PTPRR: variants seen among roughly 807,000 people sequenced by gnomAD.
The protein encoded by PTPRR is receptor-type tyrosine-protein phosphatase R.
A neutral mutation model predicts 77.2 loss-of-function variants in PTPRR; 38 were observed. The ratio of observed to expected loss-of-function variants is 0.49; its 90% CI spans 0.38 to 0.65. The LOEUF is 0.65. Ranked by LOEUF, PTPRR falls within the 30% of genes least tolerant of loss-of-function variation. The pLI is 0.00. For synonymous variants in PTPRR, 299 were observed against 283.1 expected, an observed-to-expected ratio of 1.06 and a Z score of -0.57; for missense variants, 744 against 799.2, an observed-to-expected ratio of 0.93 and a Z score of 0.83.
In PTPRR at chr12:70,828,960, G is replaced by A. The variant is rs373618345; in HGVS notation, c.357+63719C>T. Among the ~76,000 whole-genome samples, 77 of 152,218 alleles carry A rather than the reference G, an allele frequency of 5.1e-4. 1 individual carries two copies. Among genetic ancestry groups the A allele is most frequent in the African/African-American group, 1.6e-3 (68 of 41,546 alleles). The stretch of plus-strand genomic sequence containing the variant: ...TATTCCAGGCAGCAGGCAAGGTGCC[G>A]GGGATACAAAGTCTAATGAGAGATG... On this transcript the variant is annotated intron_variant, in intron 2 of 13. Transcript: ENST00000283228.
At position 70,796,765 on chromosome 12, in the gene PTPRR, C is replaced by T. The variant is rs186724767; in HGVS notation, c.358-31987G>A. Among the ~76,000 whole-genome samples the T allele has an allele frequency of 2.7e-3, 404 of 151,456 alleles. 1 individual carries two copies. Among genetic ancestry groups the T allele is most frequent in the Non-Finnish European group, 4.4e-3 (298 of 67,792 alleles). The stretch of plus-strand genomic sequence containing the variant: ...TTAACTAAGGCCGGGCATGGTGGCT[C>T]ACGCCTGTAATCCCAGCACTTTGGG... On this transcript the variant is annotated intron_variant, in intron 2 of 13. Transcript: ENST00000283228.
chr12:70,688,449 T>C (rs923231540), intron 8 of PTPRR, among the ~76,000 whole-genome samples: 7 of 152,136 alleles, frequency 4.6e-5, no homozygotes, highest in African/African-American at 1.7e-4. Flanking sequence ...CGAAAAAATG[T>C]TCCACATCTC....
chr12:70,688,199 G>A (rs1380928944), intron 8 of PTPRR, among the ~76,000 whole-genome samples: 1 of 152,100 alleles, frequency 6.6e-6, no homozygotes, highest in Non-Finnish European at 1.5e-5. Context: ...ATATGACCCT[G>A]AAAGCACAAT....
chr12:70,738,419 G>T (rs528383433), intron 6 of PTPRR, among the ~76,000 whole-genome samples: 1 of 152,146 alleles, frequency 6.6e-6, no homozygotes, highest in Non-Finnish European at 1.5e-5. Flanking sequence ...AGTCAGGATG[G>T]AGAGTGCTAT....
At chr12:70,792,159 TG>T (rs1292105334) in intron 2 of PTPRR, among the ~76,000 whole-genome samples, 1 of 152,190 alleles carries the variant, frequency 6.6e-6, no homozygotes, top group Non-Finnish European at 1.5e-5. Context: ...GAGAAGATAA[TG>T]GTCTACTACG....
chr12:70,863,940 A>G (rs546155394), intron 2 of PTPRR, among the ~76,000 whole-genome samples: 1 of 152,192 alleles, frequency 6.6e-6, no homozygotes, highest in South Asian at 2.1e-4. Context: ...CTGCCATGCT[A>G]GGATCCTGGG....
intron 2 of PTPRR, among the ~76,000 whole-genome samples, chr12:70,836,905 T>C (rs1224608431): frequency 6.6e-6 from 1 of 152,084 alleles, no homozygotes; most frequent in East Asian, 1.9e-4. Flanking sequence ...ATTAATTGAA[T>C]AAACCTCTAT....
intron 13 of PTPRR, among the ~76,000 whole-genome samples, chr12:70,649,614 CG>C (rs1403231726): frequency 1.3e-5 from 2 of 152,158 alleles, no homozygotes; most frequent in Non-Finnish European, 1.5e-5. Flanking sequence ...CTCACTCTCT[CG>C]CCCAGCCTGG....
chr12:70,879,901 G>A (rs1026297369), intron 2 of PTPRR, among the ~76,000 whole-genome samples: 1 of 152,102 alleles, frequency 6.6e-6, no homozygotes, highest in South Asian at 2.1e-4. Flanking sequence ...AAAACATCCA[G>A]CCAAGAATGA....
intron 2 of PTPRR, among the ~76,000 whole-genome samples, chr12:70,840,292 C>T (rs1892375154): frequency 6.6e-6 from 1 of 152,084 alleles, no homozygotes; most frequent in Admixed American, 6.6e-5. Flanking sequence ...AATAGCCTTG[C>T]TATGTTCTGC....
intron 13 of PTPRR, among the ~76,000 whole-genome samples, chr12:70,647,560 C>CT (rs1415770723): frequency 2.0e-5 from 3 of 152,238 alleles, no homozygotes; most frequent in Non-Finnish European, 4.4e-5. Flanking sequence ...CTAAATGAAT[C>CT]TTTTTTAGCA....
intron 2 of PTPRR, among the ~76,000 whole-genome samples, chr12:70,878,274 T>C (rs1209402863): frequency 1.3e-5 from 2 of 152,150 alleles, no homozygotes; most frequent in African/African-American, 2.4e-5. Flanking sequence ...CTAAAGAGCT[T>C]CTGCACAGCA....
intron 1 of PTPRR, among the ~76,000 whole-genome samples, chr12:70,908,256 CAG>C (rs1893651384): frequency 6.6e-6 from 1 of 152,104 alleles, no homozygotes; most frequent in African/African-American, 2.4e-5. Flanking sequence ...AATGATACTA[CAG>C]AGACATTAAT....
chr12:70,880,747 C>T (rs747373471), intron 2 of PTPRR, among the ~76,000 whole-genome samples: 3 of 152,122 alleles, frequency 2.0e-5, no homozygotes, highest in Admixed American at 6.5e-5. Flanking sequence ...AATCTTTACA[C>T]ATCTGAGAAG....
intron 1 of PTPRR, among the ~76,000 whole-genome samples, chr12:70,918,860 C>T (rs1893812467): frequency 6.6e-6 from 1 of 152,148 alleles, no homozygotes; most frequent in Non-Finnish European, 1.5e-5. Flanking sequence ...GTTTTCATCC[C>T]ACATTTCAGC....
chr12:70,754,505 G>T lies in PTPRR; in HGVS notation c.628-204C>A. 4 of 1,575,298 alleles carry T rather than the reference G, an allele frequency of 2.5e-6. No homozygotes were observed. In the South Asian group the frequency reaches 4.6e-5, roughly 18 times the overall value. On this transcript the variant is annotated intron_variant, in intron 4 of 13. Transcript: ENST00000283228. ...ATATCGAGATTATTTAGTCTCCTATGCAGGAGCAAGCGTGCCTGACATGGC... is the reference window on the plus strand; with the variant it reads ...ATATCGAGATTATTTAGTCTCCTATTCAGGAGCAAGCGTGCCTGACATGGC...
At chr12:70,752,915 C>A (rs1890448469) in intron 5 of PTPRR, among the ~76,000 whole-genome samples, 1 of 152,152 alleles carries the variant, frequency 6.6e-6, no homozygotes, top group Non-Finnish European at 1.5e-5. Context: ...CCAAAACCTC[C>A]CACTTTCTCT....
chr12:70,764,684 A>G lies in PTPRR; in HGVS notation c.452T>C (p.Val151Ala). ...TCTTACAATGAGGCGATTGATGTGCACTTGCTGGGGTAAGAGTCCTAAAGC... is the reference window on the plus strand; with the variant it reads ...TCTTACAATGAGGCGATTGATGTGCGCTTGCTGGGGTAAGAGTCCTAAAGC... ...AAALGLLPQQ[V>A]HINRLIGKKN... The change falls in exon 3 of 14, where the codon GTG (valine) becomes GCG (alanine). Residue 151 changes from valine to alanine, a missense_variant. Transcript: ENST00000283228. 2 of 1,613,416 alleles carry G rather than the reference A, an allele frequency of 1.2e-6. No homozygotes were observed. The highest frequency in any genetic ancestry group is 1.7e-6 in the Non-Finnish European group (2 of 1,179,326).
At chr12:70,725,847 T>C (rs1006325444) in intron 6 of PTPRR, among the ~76,000 whole-genome samples, 9 of 152,152 alleles carry the variant, frequency 5.9e-5, no homozygotes, top group Admixed American at 3.9e-4. Context: ...CAGGCCAATA[T>C]TTCTAGACTC....
Sources: allele counts gnomAD v4.1 joint callset (sites outside exome capture counted in the v4.1 genomes callset), GRCh38; gene constraint gnomAD v4.1.1; transcripts MANE v1.5; gene names NCBI Gene and HGNC (gene_info 2026-07-23, HGNC 2026-07-21).